The following GRID2 variants were observed in gnomAD, a reference collection of about 807,000 sequenced individuals.
The protein encoded by GRID2 is glutamate receptor ionotropic, delta-2.
GRID2 carries 33 observed loss-of-function variants against 114.8 expected under a neutral mutation model. That is an observed-to-expected ratio of 0.29 (90% CI 0.22 to 0.38). GRID2 has a LOEUF of 0.38. Ranked by LOEUF, GRID2 falls within the 10% of genes least tolerant of loss-of-function variation. The pLI is 1.00. For missense variants in GRID2, 1,184 were observed against 1,257.7 expected (o/e 0.94, Z 0.89); for synonymous variants, 505 against 449.9 (o/e 1.12, Z -1.55).
At chr4:93,317,443 G>A (rs1317080168) in intron 8 of GRID2, among the ~76,000 whole-genome samples, 3 of 151,764 alleles carry the variant, frequency 2.0e-5, no homozygotes, top group African/African-American at 4.8e-5. Flanking sequence ...AGAACAAGTC[G>A]ACAGCTGTTT....
chr4:92,856,227 C>A (rs746518636), intron 2 of GRID2, among the ~76,000 whole-genome samples: 1 of 151,994 alleles, frequency 6.6e-6, no homozygotes, highest in Non-Finnish European at 1.5e-5. Context: ...ACAATTTACA[C>A]GACATATTTT....
chr4:93,552,429 G>T (rs1733854157), intron 13 of GRID2, among the ~76,000 whole-genome samples: 1 of 152,098 alleles, frequency 6.6e-6, no homozygotes, highest in South Asian at 2.1e-4. Context: ...GGTATTTCTA[G>T]TTCTAGATCC....
chr4:93,230,147 CGT>C (rs34250856), intron 7 of GRID2, among the ~76,000 whole-genome samples: 77,817 of 148,430 alleles, frequency 0.52, 20,239 homozygotes, highest in Middle Eastern at 0.66. Flanking sequence ...TGTGTGTATG[CGT>C]GTGTGTGTGT....
At chr4:92,699,016 A>T (rs1474670259) in intron 2 of GRID2, among the ~76,000 whole-genome samples, 1 of 152,090 alleles carries the variant, frequency 6.6e-6, no homozygotes, top group Non-Finnish European at 1.5e-5. Context: ...GCACAACTGA[A>T]ATTCACTATT....
At chr4:93,346,123 G>A (rs1760211906) in intron 8 of GRID2, among the ~76,000 whole-genome samples, 1 of 152,006 alleles carries the variant, frequency 6.6e-6, no homozygotes, top group Admixed American at 6.6e-5. Context: ...GACTATTTGG[G>A]TATTTTAGGT....
intron 2 of GRID2, chr4:92,884,890 T>G: frequency 2.5e-6 from 1 of 400,606 alleles, no homozygotes; most frequent in Non-Finnish European, 5.1e-6. Context: ...GTTCTGAGAA[T>G]GGTACTATCA....
At chr4:93,256,563 G>T (rs983854839) in intron 8 of GRID2, among the ~76,000 whole-genome samples, 1 of 151,596 alleles carries the variant, frequency 6.6e-6, no homozygotes, top group Non-Finnish European at 1.5e-5. Context: ...AAAGTCACAG[G>T]TTGCTTCAAG....
intron 1 of GRID2, among the ~76,000 whole-genome samples, chr4:92,584,362 T>G (rs1338868413): frequency 6.6e-6 from 1 of 151,966 alleles, no homozygotes; most frequent in East Asian, 1.9e-4. Flanking sequence ...GTATGCAAAA[T>G]GCATTGTCAG....
At chr4:92,806,426 G>T (rs953076376) in intron 2 of GRID2, among the ~76,000 whole-genome samples, 1 of 151,718 alleles carries the variant, frequency 6.6e-6, no homozygotes, top group Admixed American at 6.6e-5. Flanking sequence ...TGACATAGGT[G>T]TTCTTCCTCC....
chr4:93,669,137 G>C (rs1291205640), intron 14 of GRID2, among the ~76,000 whole-genome samples: 1 of 151,966 alleles, frequency 6.6e-6, no homozygotes, highest in Non-Finnish European at 1.5e-5. Context: ...TCCACTATCA[G>C]TATTTTCTAA....
At chr4:92,869,335 C>G (rs1295278381) in intron 2 of GRID2, among the ~76,000 whole-genome samples, 5 of 152,234 alleles carry the variant, frequency 3.3e-5, no homozygotes, top group Non-Finnish European at 7.4e-5. Flanking sequence ...TTTTAGCAGT[C>G]ATATGTGAGG....
intron 2 of GRID2, among the ~76,000 whole-genome samples, chr4:92,805,844 T>G (rs1441678178): frequency 6.6e-6 from 1 of 151,832 alleles, no homozygotes; most frequent in East Asian, 1.9e-4. Flanking sequence ...CTTCTCATAG[T>G]TTCTCTATAT....
chr4:92,387,606 A>T (rs1730026712), intron 1 of GRID2, among the ~76,000 whole-genome samples: 2 of 152,102 alleles, frequency 1.3e-5, no homozygotes, highest in South Asian at 4.2e-4. Context: ...CAGGAACATG[A>T]GTAAGAATGT....
At chr4:93,072,091 CAAG>C (rs2149306170) in intron 2 of GRID2, among the ~76,000 whole-genome samples, 1 of 152,198 alleles carries the variant, frequency 6.6e-6, no homozygotes, top group South Asian at 2.1e-4. Context: ...TAGGAATAAT[CAAG>C]GAGCAAACTT....
At chr4:92,822,410 A>G in intron 2 of GRID2, 1 of 572,398 alleles carries the variant, frequency 1.7e-6, no homozygotes, top group South Asian at 1.5e-5. Context: ...CCGTACCTTG[A>G]CCAGCTTGTC....
chr4:93,291,683 C>T (rs1270878530), intron 8 of GRID2, among the ~76,000 whole-genome samples: 1 of 152,174 alleles, frequency 6.6e-6, no homozygotes, highest in African/African-American at 2.4e-5. Flanking sequence ...GTTAGTGTGA[C>T]AAACTCATAG....
intron 11 of GRID2, among the ~76,000 whole-genome samples, chr4:93,480,367 A>G (rs892652663): frequency 5.9e-5 from 9 of 152,070 alleles, no homozygotes; most frequent in Non-Finnish European, 1.3e-4. Context: ...GGAACTAGAT[A>G]AGAGGTTCCA....
chr4:93,751,817 C>T (rs530093815), intron 14 of GRID2, among the ~76,000 whole-genome samples: 16 of 152,286 alleles, frequency 1.1e-4, no homozygotes, highest in Admixed American at 9.8e-4. Flanking sequence ...GCCTGTAACC[C>T]GGCTTGCCCT....
At chr4:93,090,531 A>C (rs1303292899) in intron 3 of GRID2, among the ~76,000 whole-genome samples, 1 of 152,192 alleles carries the variant, frequency 6.6e-6, no homozygotes, top group Non-Finnish European at 1.5e-5. Context: ...AATTCAGGGA[A>C]AAAATTTATA....
Sources: gnomAD v4.1 joint callset for allele counts (sites outside exome capture counted in the v4.1 genomes callset) on GRCh38, gnomAD v4.1.1 for gene constraint, MANE v1.5 for transcripts, NCBI Gene and HGNC (gene_info 2026-07-23, HGNC 2026-07-21) for gene names.